Variants in LRP6 observed in about 807,000 individuals in gnomAD.
The protein encoded by LRP6 is low-density lipoprotein receptor-related protein 6.
A neutral mutation model predicts 184.1 loss-of-function variants in LRP6; 43 were observed. That is an observed-to-expected ratio of 0.23 (90% confidence interval 0.18 to 0.30). The LOEUF is 0.30. LRP6 is among the 10% of genes least tolerant of loss of function. The pLI, the probability that LRP6 is intolerant of heterozygous loss-of-function variation, is 1.00. For missense variants in LRP6, 1,571 were observed against 2,005.3 expected, an observed-to-expected ratio of 0.78 and a Z score of 4.14; for synonymous variants, 719 against 684.9, an observed-to-expected ratio of 1.05 and a Z score of -0.78.
At chr12:12,211,064 TA>T (rs1260634699) in intron 2 of LRP6, 6 of 152,328 alleles carry the variant, frequency 3.9e-5, no homozygotes, top group African/African-American at 1.2e-4. Context: ...TAGAAATTAA[TA>T]AAAGAGGATA....
chr12:12,132,987 A>C (rs1949778771), intron 17 of LRP6, among the ~76,000 whole-genome samples: 1 of 152,250 alleles, frequency 6.6e-6, no homozygotes, highest in Non-Finnish European at 1.5e-5. Flanking sequence ...ATAGGTCAGA[A>C]AACCCTGTAA....
chr12:12,130,882 T>G lies in LRP6; in HGVS notation c.3982A>C (p.Ile1328Leu). The G allele has an allele frequency of 1.3e-6, 2 of 1,591,892 alleles. No homozygotes were observed. The highest frequency in any genetic ancestry group is 2.2e-5 in the South Asian group (2 of 90,656). The change falls in exon 19 of 23, where the codon ATT (isoleucine) becomes CTT (leucine). Residue 1328 changes from isoleucine to leucine, a missense_variant. Coordinates refer to ENST00000261349, the MANE Select transcript of LRP6 (RefSeq NM_002336.3). ...CCATTGGCACAGCGGAACTGATCAATTAAACAAAGCACTGGAAAAAAAACA... is the reference window on the plus strand; with the variant it reads ...CCATTGGCACAGCGGAACTGATCAAGTAAACAAAGCACTGGAAAAAAAACA... ...DEKNCEVLCLIDQFRCANGQC... is the reference protein window; with the variant it reads ...DEKNCEVLCLLDQFRCANGQC...
intron 3 of LRP6, among the ~76,000 whole-genome samples, chr12:12,196,838 A>T (rs545588229): frequency 6.6e-6 from 1 of 152,330 alleles, no homozygotes; most frequent in South Asian, 2.1e-4. Context: ...TTCTTACACC[A>T]GAAGGCAAAT....
rs1342563284 is a variant in LRP6, at chr12:12,178,823, T to C, written c.1545+987A>G. On this transcript the variant is annotated intron_variant, in intron 7 of 22. Coordinates refer to ENST00000261349, the MANE Select transcript of LRP6 (RefSeq NM_002336.3). Reference sequence around the variant, plus strand: ...TCAGTATTTGAGCCTGGTGGAATACTAACGGGGTTTCTTCTATTCCAAGTT... The same window carrying C: ...TCAGTATTTGAGCCTGGTGGAATACCAACGGGGTTTCTTCTATTCCAAGTT... Among the ~76,000 whole-genome samples the C allele has an allele frequency of 1.3e-5, 2 of 152,330 alleles. 1 individual carries two copies. The highest frequency in any genetic ancestry group is 4.1e-4 in the South Asian group (2 of 4,828).
intron 3 of LRP6, among the ~76,000 whole-genome samples, chr12:12,190,371 T>C (rs896306647): frequency 6.6e-6 from 1 of 151,984 alleles, no homozygotes; most frequent in Non-Finnish European, 1.5e-5. Context: ...TAACAGAAAC[T>C]AAAAAATGGA....
chr12:12,165,370 G>T, intron 7 of LRP6, 75 bp from the exon 8 acceptor site: 1 of 1,010,488 alleles, frequency 9.9e-7, no homozygotes, highest in Non-Finnish European at 1.6e-6. Flanking sequence ...AAATCCAACT[G>T]CCTGTTGTAT....
At chr12:12,155,244 T>C in intron 12 of LRP6, 1 of 729,608 alleles carries the variant, frequency 1.4e-6, no homozygotes, top group Non-Finnish European at 2.5e-6. Flanking sequence ...AACTGCCATC[T>C]TCCAGTAATT....
chr12:12,149,941 T>C (rs990735889), intron 13 of LRP6, among the ~76,000 whole-genome samples: 3 of 152,184 alleles, frequency 2.0e-5, no homozygotes, highest in Non-Finnish European at 4.4e-5. Context: ...TGGTGGAAAG[T>C]GTGTCTGGAA....
chr12:12,212,414 C>T (rs149396222), intron 2 of LRP6, among the ~76,000 whole-genome samples: 206 of 152,292 alleles, frequency 1.4e-3, no homozygotes, highest in African/African-American at 4.7e-3. Context: ...GAGCCTGTCA[C>T]ATAATATTTC....
Position 12,158,837 on chromosome 12 carries a change from G to C in LRP6, c.2783C>G (p.Thr928Ser). The C allele has an allele frequency of 2.5e-6, 4 of 1,614,016 alleles. No individual in the cohort carries two copies. The highest frequency in any genetic ancestry group is 1.1e-5 in the South Asian group (1 of 91,080). Residue 928 changes from threonine to serine, a missense_variant, in exon 12 of 23, where the codon ACT becomes AGT. Thr to Ser is a moderately conservative substitution (Grantham distance 58, BLOSUM62 1). Around this residue, in one of 4 missense-constraint regions of LRP6, gnomAD observed 763 missense variants for 859.5 expected, o/e 0.89. Transcript: ENST00000261349. ...AHYSLNADNR[T>S]CSAPTTFLLF... ...AGGGAAATGCAGCTTACCACTACAA[G>C]TCCTGTTGTCAGCATTAAGAGAGTA...
chr12:12,121,132 G>C lies in LRP6; in HGVS notation c.4836C>G (p.Ser1612=), dbSNP rs1377598060. The change falls in exon 23 of 23, where the codon TCC becomes TCG. Residue 1612 remains serine (S), a synonymous_variant. Transcript: ENST00000261349. ...AGAGGAGGAGGGCCCCTCCTCAGGA[G>C]GAGTCTGTACAGGGAGAGGGTGGCG... ...YPPPPSPCTD[S]S The C allele has an allele frequency of 6.2e-7, 1 of 1,600,786 alleles. No individual in the cohort carries two copies. The highest frequency in any genetic ancestry group is 8.5e-7 in the Non-Finnish European group (1 of 1,170,680).
At chr12:12,227,004 CA>C (rs1299381831) in intron 2 of LRP6, among the ~76,000 whole-genome samples, 10 of 152,070 alleles carry the variant, frequency 6.6e-5, no homozygotes, top group Non-Finnish European at 1.5e-4. Context: ...ATATCATATT[CA>C]AACTGCAGAA....
intron 15 of LRP6, among the ~76,000 whole-genome samples, chr12:12,142,694 T>A (rs990501731): frequency 1.3e-5 from 2 of 152,086 alleles, no homozygotes; most frequent in Admixed American, 1.3e-4. Flanking sequence ...ATCCTTCTCA[T>A]GAGCGTAGAT....
At chr12:12,218,178 T>A (rs1268024782) in intron 2 of LRP6, among the ~76,000 whole-genome samples, 1 of 152,060 alleles carries the variant, frequency 6.6e-6, no homozygotes, top group Non-Finnish European at 1.5e-5. Flanking sequence ...TAGAACTCAA[T>A]AATAAAAGGA....
At chr12:12,162,069 A>G (rs1296716002) in intron 10 of LRP6, 124 bp downstream of exon 10, 1 of 763,958 alleles carries the variant, frequency 1.3e-6, no homozygotes, top group African/African-American at 1.7e-5. Flanking sequence ...AAGTTCATCT[A>G]TCATTTAGTT....
intron 13 of LRP6, among the ~76,000 whole-genome samples, chr12:12,150,578 C>T (rs1008843606): frequency 2.6e-5 from 4 of 152,076 alleles, no homozygotes; most frequent in East Asian, 3.9e-4. Context: ...CATAAAGAAA[C>T]GTAGGGGGCA....
Position 12,158,856 on chromosome 12 carries a change from G to A in LRP6, c.2764C>T (p.Leu922Phe), listed in dbSNP as rs1320069813. The A allele has an allele frequency of 3.1e-6, 5 of 1,614,090 alleles. No homozygotes were observed. The highest frequency in any genetic ancestry group is 4.2e-6 in the Non-Finnish European group (5 of 1,180,048). The change falls in exon 12 of 23, where the codon CTT becomes TTT. Residue 922 changes from leucine (L) to phenylalanine (F), a missense_variant. Coordinates refer to ENST00000261349, the MANE Select transcript of LRP6 (RefSeq NM_002336.3). ...FVCGCPAHYS[L>F]NADNRTCSAP... Reference sequence around the variant, plus strand: ...CTACAAGTCCTGTTGTCAGCATTAAGAGAGTAGTGGGCAGGGCATCCACAA... The same window carrying A: ...CTACAAGTCCTGTTGTCAGCATTAAAAGAGTAGTGGGCAGGGCATCCACAA...
intron 3 of LRP6, among the ~76,000 whole-genome samples, chr12:12,200,749 C>T (rs1172459008): frequency 1.3e-5 from 2 of 152,136 alleles, no homozygotes; most frequent in Non-Finnish European, 2.9e-5. Flanking sequence ...AACCTTTACA[C>T]ATTTTGCTTC....
intron 2 of LRP6, among the ~76,000 whole-genome samples, chr12:12,205,335 A>AC (rs1311670935): frequency 4.4e-4 from 56 of 126,732 alleles, no homozygotes; most frequent in East Asian, 1.0e-3. Flanking sequence ...CAAACAAAAA[A>AC]AAAAAAAAAA....
Sources: allele counts gnomAD v4.1 joint callset (sites outside exome capture counted in the v4.1 genomes callset), GRCh38; gene constraint gnomAD v4.1.1; regional missense constraint gnomAD v4.1.1; transcripts MANE v1.5; gene names NCBI Gene and HGNC (gene_info 2026-07-23, HGNC 2026-07-21).